Variants in TRMT11 observed in about 807,000 individuals in gnomAD.
TRMT11 encodes the protein tRNA methyltransferase 11.
In TRMT11, 53 loss-of-function variants were observed where a neutral mutation model predicts 62.8. That is an observed-to-expected ratio of 0.84 (90% CI 0.68 to 1.06). The LOEUF (loss-of-function observed/expected upper bound fraction) is 1.06. Among genes scored for constraint, TRMT11 ranks in the 50% least tolerant of loss-of-function variants. The probability of loss-of-function intolerance (pLI) is 0.00; values close to 1 mark genes in which losing one functional copy is unlikely to be tolerated. For synonymous variants in TRMT11, 188 were observed against 190.3 expected (o/e 0.99, Z 0.10); for missense variants, 556 against 553.4 (o/e 1.00, Z -0.05).
intron 17 of TRMT11, among the ~76,000 whole-genome samples, chr6:126,110,068 A>G (rs922682517): frequency 2.0e-5 from 3 of 152,182 alleles, no homozygotes; most frequent in African/African-American, 7.2e-5. Context: ...AGCAGGGCAC[A>G]GTGTGTGGAC....
chr6:126,011,122 T>A (rs1794114649), intron 8 of TRMT11, 131 bp from the exon 9 acceptor site: 1 of 686,866 alleles, frequency 1.5e-6, no homozygotes, highest in South Asian at 2.6e-5. Flanking sequence ...TACATAAAAT[T>A]AAGATTTTAA....
At chr6:126,240,596 G>A in the TRMT11 span, among the ~76,000 whole-genome samples, 15 of 152,156 alleles carry the variant, frequency 9.9e-5, no homozygotes, top group Admixed American at 2.6e-4. Flanking sequence ...GTACCCGGCC[G>A]TGTGAGGTGT....
intron 12 of TRMT11, among the ~76,000 whole-genome samples, chr6:126,027,130 C>A (rs1182176007): frequency 2.0e-5 from 3 of 152,074 alleles, no homozygotes; most frequent in Non-Finnish European, 2.9e-5. Flanking sequence ...ATCTTGCTGT[C>A]CCACTTAACA....
chr6:126,144,372 C>T (rs921358054), intron 21 of TRMT11, among the ~76,000 whole-genome samples: 26 of 152,186 alleles, frequency 1.7e-4, no homozygotes, highest in Admixed American at 1.1e-3. Context: ...TCACTAAAAC[C>T]GTAACCCAGG....
intron 11 of TRMT11, among the ~76,000 whole-genome samples, chr6:126,015,908 G>T (rs1198395507): frequency 6.6e-6 from 1 of 152,058 alleles, no homozygotes; most frequent in Non-Finnish European, 1.5e-5. Flanking sequence ...TGCTTTCTTG[G>T]TAGGAATACC....
chr6:126,173,389 C>T (rs1562340493), upstream of TRMT11, among the ~76,000 whole-genome samples: 1 of 152,210 alleles, frequency 6.6e-6, no homozygotes, highest in Non-Finnish European at 1.5e-5. Context: ...CATTCACCCT[C>T]ACATAGCTTT....
intron 11 of TRMT11, among the ~76,000 whole-genome samples, chr6:126,017,546 A>G (rs1795166279): frequency 6.6e-6 from 1 of 152,134 alleles, no homozygotes; most frequent in Non-Finnish European, 1.5e-5. Context: ...TACTCTGTGC[A>G]TTTTATGTCT....
the TRMT11 span, among the ~76,000 whole-genome samples, chr6:126,217,450 A>G: frequency 1.3e-4 from 20 of 152,288 alleles, no homozygotes; most frequent in African/African-American, 4.8e-4. Context: ...CAGTATCTGC[A>G]TTGGGGGCAC....
At chr6:126,254,109 T>C in the TRMT11 span, among the ~76,000 whole-genome samples, 3 of 152,328 alleles carry the variant, frequency 2.0e-5, no homozygotes, top group South Asian at 6.2e-4. Flanking sequence ...ACCACTGATA[T>C]CAGGGAAGCC....
intron 17 of TRMT11, among the ~76,000 whole-genome samples, chr6:126,077,946 A>G (rs1777066638): frequency 2.0e-5 from 3 of 152,274 alleles, no homozygotes; most frequent in South Asian, 4.2e-4. Context: ...CTGTGTACCT[A>G]TCCCCCTGCT....
At chr6:126,001,435 TA>T (rs1345242014) in intron 7 of TRMT11, among the ~76,000 whole-genome samples, 2 of 152,118 alleles carry the variant, frequency 1.3e-5, no homozygotes, top group Non-Finnish European at 2.9e-5. Flanking sequence ...AGGATTAGGT[TA>T]TACATTCCCA....
the TRMT11 span, among the ~76,000 whole-genome samples, chr6:126,221,253 A>G: frequency 1.3e-5 from 2 of 152,240 alleles, no homozygotes; most frequent in South Asian, 4.1e-4. Flanking sequence ...GTAGAATGAT[A>G]TATATTCCTT....
At position 126,151,890 on chromosome 6, in the gene TRMT11, CTT is replaced by C. The variant is rs1176049498; in HGVS notation, c.*1824-22931_*1824-22930del. 4.0e-4 allele frequency among the ~76,000 whole-genome samples: 16 copies of C among 40,152 alleles called. 2 individuals are homozygous for C. Among genetic ancestry groups the C allele is most frequent in the South Asian group, 6.8e-4 (1 of 1,478 alleles). 26.3% of individuals were successfully genotyped at this position (40,152 alleles called of 152,430 possible). ...TCCTTCTTTCTCCTTCCTTCCTTGT[CTT>C]TTTCTTTCTTTTCTCTTTCTTTCTT... On this transcript the variant is annotated intron_variant and NMD_transcript_variant, in intron 21 of 22. Transcript: ENST00000648977.
chr6:126,159,577 A>G (rs1205300342), intron 21 of TRMT11, among the ~76,000 whole-genome samples: 1 of 152,186 alleles, frequency 6.6e-6, no homozygotes, highest in Non-Finnish European at 1.5e-5. Flanking sequence ...TATAATACGG[A>G]CAAATAAGTT....
At chr6:126,114,555 A>G (rs1184200512) in intron 18 of TRMT11, among the ~76,000 whole-genome samples, 2 of 152,070 alleles carry the variant, frequency 1.3e-5, no homozygotes, top group African/African-American at 2.4e-5. Flanking sequence ...CCTAGAGGCT[A>G]AAACAGTGCC....
chr6:126,024,872 T>C (rs1311725543), intron 12 of TRMT11, among the ~76,000 whole-genome samples: 1 of 152,228 alleles, frequency 6.6e-6, no homozygotes, highest in Non-Finnish European at 1.5e-5. Flanking sequence ...TTACAGCTCT[T>C]AGAAATCATA....
chr6:126,185,632 GA>G (rs1411240016), intron 1 of TRMT11, among the ~76,000 whole-genome samples: 1 of 152,082 alleles, frequency 6.6e-6, no homozygotes, highest in African/African-American at 2.4e-5. Context: ...TAAAATAAAT[GA>G]GACCATAATT....
chr6:126,150,564 A>C (rs529135928), intron 21 of TRMT11, among the ~76,000 whole-genome samples: 42 of 152,280 alleles, frequency 2.8e-4, no homozygotes, highest in Admixed American at 2.2e-3. Context: ...GTGCTCAAGT[A>C]ATACTTGTGA....
chr6:126,048,840 G>C (rs956241362), intron 16 of TRMT11, among the ~76,000 whole-genome samples: 1 of 152,110 alleles, frequency 6.6e-6, no homozygotes. Context: ...CCCCTCTTTA[G>C]AGCTATTGGT....
Sources: allele counts gnomAD v4.1 joint callset (sites outside exome capture counted in the v4.1 genomes callset), GRCh38; gene constraint gnomAD v4.1.1; transcripts MANE v1.5; gene names NCBI Gene and HGNC (gene_info 2026-07-23, HGNC 2026-07-21).